RAD18: variants seen among roughly 807,000 people sequenced by gnomAD.
The protein encoded by RAD18 is RAD18 E3 ubiquitin protein ligase.
RAD18 carries 47 observed loss-of-function variants against 60.4 expected under a neutral mutation model. That is an observed-to-expected ratio of 0.78 (90% CI 0.62 to 0.99). RAD18 has a LOEUF of 0.99. Ranked by LOEUF, RAD18 falls within the 50% of genes least tolerant of loss-of-function variation. The probability of loss-of-function intolerance (pLI) is 0.00; values close to 1 mark genes in which losing one functional copy is unlikely to be tolerated. For missense variants in RAD18, 640 were observed against 593.3 expected, an observed-to-expected ratio of 1.08 and a Z score of -0.82; for synonymous variants, 225 against 195.5, an observed-to-expected ratio of 1.15 and a Z score of -1.26.
chr3:8,888,671 G>A (rs1236909054), intron 12 of RAD18, among the ~76,000 whole-genome samples: 1 of 152,188 alleles, frequency 6.6e-6, no homozygotes, highest in East Asian at 1.9e-4. Flanking sequence ...AAATCAGGAG[G>A]CCTGGATTCT....
At chr3:8,950,683 G>A (rs1323881900) in intron 2 of RAD18, among the ~76,000 whole-genome samples, 1 of 152,184 alleles carries the variant, frequency 6.6e-6, no homozygotes, top group African/African-American at 2.4e-5. Flanking sequence ...AACTGAGCAA[G>A]CATCAGAACC....
intron 2 of RAD18, among the ~76,000 whole-genome samples, chr3:8,949,227 T>C (rs1559798403): frequency 6.6e-6 from 1 of 152,232 alleles, no homozygotes; most frequent in Non-Finnish European, 1.5e-5. Context: ...AAAGCAGATG[T>C]GACTAACAGA....
At position 8,947,244 on chromosome 3, in the gene RAD18, A is replaced by C. The variant is rs1329116902; in HGVS notation, c.242T>G (p.Leu81Arg). The change falls in exon 4 of 13, where the codon CTG (leucine) becomes CGG (arginine). Residue 81 changes from leucine (L) to arginine (R), a missense_variant. By Grantham distance (102) the Leu-to-Arg change is moderately radical. Coordinates refer to ENST00000264926, the MANE Select transcript of RAD18 (RefSeq NM_020165.4). The stretch of plus-strand genomic sequence containing the variant: ...CCGTGCAAAATTCAAGCTTTTTACC[A>C]GTTCATCTAATATGCGGTTATTTTT... ...DLKNNRILDELVKSLNFARNH... is the reference protein window; with the variant it reads ...DLKNNRILDERVKSLNFARNH... 2 of 1,610,960 alleles carry C rather than the reference A, an allele frequency of 1.2e-6. No homozygotes were observed. Among genetic ancestry groups the C allele is most frequent in the Non-Finnish European group, 1.7e-6 (2 of 1,177,466 alleles).
At chr3:8,887,922 CAG>C (rs1939599412) in intron 12 of RAD18, among the ~76,000 whole-genome samples, 1 of 152,190 alleles carries the variant, frequency 6.6e-6, no homozygotes, top group Non-Finnish European at 1.5e-5. Context: ...CTAACCAATC[CAG>C]AGTCACAACT....
intron 7 of RAD18, among the ~76,000 whole-genome samples, chr3:8,927,979 C>A (rs1306614889): frequency 2.7e-5 from 4 of 148,296 alleles, no homozygotes; most frequent in African/African-American, 1.0e-4. Context: ...TTAGTGGGGG[C>A]AGCACACCAA....
At chr3:8,941,834 T>G in intron 4 of RAD18, 30 bp from the exon 5 acceptor site, 1 of 1,528,988 alleles carries the variant, frequency 6.5e-7, no homozygotes, top group South Asian at 1.2e-5. Context: ...AACAGACAAT[T>G]AAGAGATCCA....
chr3:8,900,025 C>T (rs933536615), intron 10 of RAD18, among the ~76,000 whole-genome samples: 1 of 152,130 alleles, frequency 6.6e-6, no homozygotes, highest in Non-Finnish European at 1.5e-5. Flanking sequence ...GGGGAAAGAA[C>T]ATAACAAATT....
intron 4 of RAD18, among the ~76,000 whole-genome samples, chr3:8,945,533 G>A (rs538959385): frequency 2.9e-4 from 42 of 145,678 alleles, no homozygotes; most frequent in African/African-American, 1.0e-3. Context: ...GTGCAGTGGC[G>A]TGATCTCGGC....
intron 7 of RAD18, among the ~76,000 whole-genome samples, chr3:8,922,924 A>C (rs900412134): frequency 6.6e-6 from 1 of 152,224 alleles, no homozygotes; most frequent in Admixed American, 6.5e-5. Context: ...GTACGTCACC[A>C]TCATCAAAGA....
At chr3:8,925,756 C>T (rs1479862219) in intron 7 of RAD18, among the ~76,000 whole-genome samples, 3 of 152,060 alleles carry the variant, frequency 2.0e-5, no homozygotes, top group Non-Finnish European at 4.4e-5. Context: ...GCTGGTTCAA[C>T]ATATGCAAAT....
At chr3:8,945,169 T>A (rs1450527688) in intron 4 of RAD18, among the ~76,000 whole-genome samples, 1 of 152,242 alleles carries the variant, frequency 6.6e-6, no homozygotes, top group East Asian at 1.9e-4. Flanking sequence ...ATTTTGGTAT[T>A]CTCAGGGGTC....
At chr3:8,915,147 C>CAAAA (rs373157801) in intron 7 of RAD18, among the ~76,000 whole-genome samples, 54,819 of 100,564 alleles carry the variant, frequency 0.55, 16,620 homozygotes, top group Middle Eastern at 0.7. Context: ...GACTCCGTCT[C>CAAAA]AAAAAAAAAA....
intron 7 of RAD18, among the ~76,000 whole-genome samples, chr3:8,923,126 A>C (rs1235019849): frequency 6.6e-5 from 10 of 152,346 alleles, no homozygotes; most frequent in African/African-American, 2.4e-4. Flanking sequence ...GAGCTAAAGG[A>C]GGAAGTTCAA....
intron 7 of RAD18, among the ~76,000 whole-genome samples, chr3:8,931,339 G>C (rs1575552913): frequency 6.6e-6 from 1 of 152,138 alleles, no homozygotes; most frequent in African/African-American, 2.4e-5. Context: ...AAAGTAGACA[G>C]CACTACTGAG....
At position 8,941,573 on chromosome 3, in the gene RAD18, A is replaced by G; in HGVS notation, c.498T>C (p.Ala166=). 1 of 1,614,170 alleles carries G rather than the reference A, an allele frequency of 6.2e-7. No homozygotes were observed. The highest frequency in any genetic ancestry group is 8.5e-7 in the Non-Finnish European group (1 of 1,180,012). ...CAGAACGTGTCTCTTTGGTCTTTGCAGCAGGGCTCGCCTCTTTTTGAGGGC... is the reference window on the plus strand; with the variant it reads ...CAGAACGTGTCTCTTTGGTCTTTGCGGCAGGGCTCGCCTCTTTTTGAGGGC... ...KFSPQKEASP[A]AKTKETRSVE... Residue 166 remains alanine, a synonymous_variant, in exon 5 of 13, where the codon GCT becomes GCC. Transcript: ENST00000264926.
At chr3:8,893,019 G>A (rs530890351) in intron 11 of RAD18, among the ~76,000 whole-genome samples, 2 of 152,300 alleles carry the variant, frequency 1.3e-5, no homozygotes, top group African/African-American at 4.8e-5. Context: ...ATAGAGCTTG[G>A]TACGCAGTAA....
chr3:8,903,526 TACTA>T, intron 9 of RAD18, among the ~76,000 whole-genome samples: 1 of 152,342 alleles, frequency 6.6e-6, no homozygotes, highest in East Asian at 1.9e-4. Flanking sequence ...TACGATACTA[TACTA>T]ACTCTAATCT....
At chr3:8,885,024 T>TCA (rs1939533468) in intron 12 of RAD18, among the ~76,000 whole-genome samples, 1 of 152,224 alleles carries the variant, frequency 6.6e-6, no homozygotes, top group Non-Finnish European at 1.5e-5. Flanking sequence ...CAGTGAGGCA[T>TCA]CTATCTACTG....
At chr3:8,927,962 T>A (rs1355377123) in intron 7 of RAD18, among the ~76,000 whole-genome samples, 3 of 147,698 alleles carry the variant, frequency 2.0e-5, no homozygotes, top group Middle Eastern at 3.5e-3. Flanking sequence ...CTAATGTAAA[T>A]GACGAGTTAG....
Sources: gnomAD v4.1 joint callset for allele counts (sites outside exome capture counted in the v4.1 genomes callset) on GRCh38, gnomAD v4.1.1 for gene constraint, MANE v1.5 for transcripts, NCBI Gene and HGNC (gene_info 2026-07-23, HGNC 2026-07-21) for gene names.